Variants in ATXN3 observed in about 807,000 individuals in gnomAD.
ATXN3 encodes the protein ataxin 3.
A neutral mutation model predicts 58.2 loss-of-function variants in ATXN3; 28 were observed. The ratio of observed to expected loss-of-function variants is 0.48; its 90% CI spans 0.36 to 0.66. ATXN3 has a LOEUF of 0.66. ATXN3 is among the 30% of genes least tolerant of loss of function. The probability of loss-of-function intolerance (pLI) is 0.00; values close to 1 mark genes in which losing one functional copy is unlikely to be tolerated. For missense variants in ATXN3, 321 were observed against 422.1 expected (o/e 0.76, Z 2.10); for synonymous variants, 113 against 138.5 (o/e 0.82, Z 1.29).
chr14:92,086,219 C>T (rs552115942), intron 6 of ATXN3, among the ~76,000 whole-genome samples: 2 of 135,064 alleles, frequency 1.5e-5, no homozygotes, highest in Non-Finnish European at 3.1e-5. Context: ...ACCAACCTGG[C>T]CAATATGGTG....
At position 92,087,236 on chromosome 14, in the gene ATXN3, A is replaced by T. The variant is rs79873516; in HGVS notation, c.475+1494T>A. Among the ~76,000 whole-genome samples, 332 of 152,324 alleles carry T rather than the reference A, an allele frequency of 2.2e-3. 2 individuals carry two copies. Among genetic ancestry groups the T allele is most frequent in the Non-Finnish European group, 3.5e-3 (236 of 68,034 alleles). ...TGGTACATCACTAAGAAAACATAGT[A>T]GAAATATCAGACAGCACTAAAGGCT... On this transcript the variant is annotated intron_variant, in intron 6 of 10. Transcript: ENST00000644486.
chr14:92,086,143 C>G (rs2062438358), intron 6 of ATXN3, among the ~76,000 whole-genome samples: 1 of 151,658 alleles, frequency 6.6e-6, no homozygotes, highest in Non-Finnish European at 1.5e-5. Context: ...CAAGGTGACT[C>G]ACGCCTGTAA....
At chr14:92,085,660 G>A (rs2062309383) in intron 6 of ATXN3, among the ~76,000 whole-genome samples, 1 of 152,130 alleles carries the variant, frequency 6.6e-6, no homozygotes, top group South Asian at 2.1e-4. Flanking sequence ...AAAACCTGAT[G>A]GATAGCATGG....
upstream of ATXN3, chr14:92,050,191 G>A (rs1039578754): frequency 6.6e-6 from 1 of 151,950 alleles, no homozygotes; most frequent in African/African-American, 2.4e-5. Context: ...GTTTGTATGT[G>A]TGTATAATAG....
chr14:92,046,869 C>G (rs767477826), intron 2 of ATXN3, among the ~76,000 whole-genome samples: 1 of 151,960 alleles, frequency 6.6e-6, no homozygotes, highest in African/African-American at 2.4e-5. Flanking sequence ...AGGTAGGTAA[C>G]GGATGGAGAA....
chr14:92,074,296 C>A (rs778722441), intron 9 of ATXN3, among the ~76,000 whole-genome samples: 2 of 152,146 alleles, frequency 1.3e-5, no homozygotes, highest in Non-Finnish European at 2.9e-5. Flanking sequence ...TACTGCACTC[C>A]AGCCTGGGCG....
At chr14:92,092,722 G>T (rs973793905) in intron 5 of ATXN3, among the ~76,000 whole-genome samples, 1 of 151,600 alleles carries the variant, frequency 6.6e-6, no homozygotes, top group Non-Finnish European at 1.5e-5. Context: ...AAATTTATAA[G>T]GAAAACTGAT....
At chr14:92,054,080 G>A (rs533067015), downstream of ATXN3, among the ~76,000 whole-genome samples, 2 of 152,170 alleles carry the variant, frequency 1.3e-5, no homozygotes, top group Admixed American at 6.5e-5. Context: ...CATAATAGGC[G>A]CACACCAACC....
At chr14:92,090,065 T>C (rs2140979593) in intron 5 of ATXN3, among the ~76,000 whole-genome samples, 1 of 152,272 alleles carries the variant, frequency 6.6e-6, no homozygotes, top group East Asian at 1.9e-4. Flanking sequence ...TGAGACCCTG[T>C]CTCTATAATT....
intron 1 of ATXN3, among the ~76,000 whole-genome samples, chr14:92,101,702 A>G (rs1263361845): frequency 1.3e-5 from 2 of 152,174 alleles, no homozygotes; most frequent in African/African-American, 4.8e-5. Context: ...TACTAAAAAT[A>G]TAAGAATTAG....
intron 6 of ATXN3, among the ~76,000 whole-genome samples, chr14:92,084,542 C>T (rs2062022529): frequency 6.6e-6 from 1 of 151,722 alleles, no homozygotes; most frequent in South Asian, 2.1e-4. Context: ...ATACCTAAAA[C>T]AATCTAACTG....
chr14:92,046,663 G>C (rs1373769207), intron 2 of ATXN3, among the ~76,000 whole-genome samples: 1 of 152,130 alleles, frequency 6.6e-6, no homozygotes, highest in Non-Finnish European at 1.5e-5. Context: ...GATTTATGAG[G>C]TCAGCTAGGT....
intron 10 of ATXN3, among the ~76,000 whole-genome samples, chr14:92,066,759 C>G (rs1013690547): frequency 2.0e-5 from 3 of 149,410 alleles, no homozygotes; most frequent in Non-Finnish European, 4.4e-5. Context: ...AGGCGCCCAC[C>G]ACCAAGCCTG....
Position 92,090,122 on chromosome 14 carries a change from T to C in ATXN3, c.388-1305A>G, listed in dbSNP as rs971732123. On this transcript the variant is annotated intron_variant, in intron 5 of 10. Coordinates refer to ENST00000644486, the MANE Select transcript of ATXN3 (RefSeq NM_004993.6). ...CTATCACATATAACATATAAACACATTTTTTTAAAAGAGATGGTCATCTAG... is the reference window on the plus strand; with the variant it reads ...CTATCACATATAACATATAAACACACTTTTTTAAAAGAGATGGTCATCTAG... 3.9e-5 allele frequency among the ~76,000 whole-genome samples: 6 copies of C among 152,104 alleles called. No individual in the cohort carries two copies. In the South Asian group the frequency reaches 1.0e-3, roughly 26 times the overall value.
intron 9 of ATXN3, among the ~76,000 whole-genome samples, chr14:92,077,338 T>C (rs2060579241): frequency 7.0e-6 from 1 of 143,314 alleles, no homozygotes; most frequent in Admixed American, 6.8e-5. Flanking sequence ...CTGAAGGAGG[T>C]GAGAGTATGC....
intron 3 of ATXN3, among the ~76,000 whole-genome samples, chr14:92,095,610 C>G (rs1020562653): frequency 1.3e-5 from 2 of 151,678 alleles, no homozygotes; most frequent in African/African-American, 2.4e-5. Context: ...TTTAAATGCC[C>G]CACTCTAATA....
At chr14:92,085,234 T>C (rs2062185266) in intron 6 of ATXN3, among the ~76,000 whole-genome samples, 1 of 151,186 alleles carries the variant, frequency 6.6e-6, no homozygotes, top group African/African-American at 2.5e-5. Flanking sequence ...TCACCCAGGC[T>C]GGAGTGCAGT....
rs562424472 is a variant in ATXN3, at chr14:92,095,518, C to G, written c.234+575G>C. On this transcript the variant is annotated intron_variant, in intron 3 of 10. Transcript: ENST00000644486. ...CGGCCTCCCCAAAGTGCTGGGATTA[C>G]AGGTGTGAGCCACCGCGCCCGGCCA... 2.3e-3 allele frequency among the ~76,000 whole-genome samples: 346 copies of G among 150,194 alleles called. 2 individuals carry two copies. Among genetic ancestry groups the G allele is most frequent in the African/African-American group, 8.1e-3 (332 of 41,098 alleles).
chr14:92,083,472 T>C (rs1317531258), intron 6 of ATXN3: 7 of 662,652 alleles, frequency 1.1e-5, no homozygotes, highest in South Asian at 1.5e-5. Flanking sequence ...CTTTCTCCAT[T>C]GTAAGACTGG....
Sources: gnomAD v4.1 joint callset for allele counts (sites outside exome capture counted in the v4.1 genomes callset) on GRCh38, gnomAD v4.1.1 for gene constraint, MANE v1.5 for transcripts, NCBI Gene and HGNC (gene_info 2026-07-23, HGNC 2026-07-21) for gene names.